The following NKAIN2 variants were observed in gnomAD, a reference collection of about 807,000 sequenced individuals.
The protein encoded by NKAIN2 is sodium/potassium transporting ATPase interacting 2.
A neutral mutation model predicts 32.6 loss-of-function variants in NKAIN2; 14 were observed. The ratio of observed to expected loss-of-function variants is 0.43; its 90% CI spans 0.28 to 0.67. NKAIN2 has a LOEUF of 0.67. Ranked by LOEUF, NKAIN2 falls within the 30% of genes least tolerant of loss-of-function variation. The probability of loss-of-function intolerance (pLI) is 0.17; values close to 1 mark genes in which losing one functional copy is unlikely to be tolerated. For missense variants in NKAIN2, 198 were observed against 258.3 expected (o/e 0.77, Z 1.60); for synonymous variants, 80 against 87.2 (o/e 0.92, Z 0.46).
chr6:124,601,118 C>A (rs564622148), intron 3 of NKAIN2, among the ~76,000 whole-genome samples: 2 of 152,150 alleles, frequency 1.3e-5, no homozygotes, highest in African/African-American at 4.8e-5. Flanking sequence ...TTAAGTTGCT[C>A]TGATCAAGCT....
chr6:124,422,834 C>T (rs538811460), intron 3 of NKAIN2, among the ~76,000 whole-genome samples: 6 of 152,282 alleles, frequency 3.9e-5, no homozygotes, highest in Non-Finnish European at 8.8e-5. Context: ...AGGTTCTGAC[C>T]TTTCCAACAG....
At chr6:124,141,511 G>A (rs942519781) in intron 1 of NKAIN2, among the ~76,000 whole-genome samples, 1 of 152,038 alleles carries the variant, frequency 6.6e-6, no homozygotes, top group East Asian at 1.9e-4. Context: ...TGCCATTGAT[G>A]GTAATCTAGT....
intron 4 of NKAIN2, among the ~76,000 whole-genome samples, chr6:124,739,063 T>G (rs1415767): frequency 0.58 from 88,342 of 151,630 alleles, 26,143 homozygotes; most frequent in East Asian, 0.72. Context: ...AATGCACTTT[T>G]GAAAATAAAG....
At chr6:124,776,227 T>G (rs1778977387) in intron 4 of NKAIN2, among the ~76,000 whole-genome samples, 1 of 152,208 alleles carries the variant, frequency 6.6e-6, no homozygotes, top group South Asian at 2.1e-4. Flanking sequence ...TTTGCATAAC[T>G]ATGGACTTTA....
At chr6:124,272,822 A>G (rs1248277582) in intron 1 of NKAIN2, among the ~76,000 whole-genome samples, 1 of 152,144 alleles carries the variant, frequency 6.6e-6, no homozygotes, top group Non-Finnish European at 1.5e-5. Context: ...CTCGCCCTGG[A>G]TGTGAGGCAT....
At chr6:124,381,435 A>G (rs1772629376) in intron 3 of NKAIN2, among the ~76,000 whole-genome samples, 1 of 152,148 alleles carries the variant, frequency 6.6e-6, no homozygotes, top group Non-Finnish European at 1.5e-5. Flanking sequence ...GTTGAGAACC[A>G]TTTATTTGGA....
chr6:124,657,873 C>A (rs1784596169), intron 3 of NKAIN2, among the ~76,000 whole-genome samples: 2 of 151,912 alleles, frequency 1.3e-5, no homozygotes, highest in Admixed American at 6.6e-5. Flanking sequence ...GGGAAAGACC[C>A]TTGAAAGGTA....
chr6:124,495,147 T>C (rs1778015893), intron 3 of NKAIN2, among the ~76,000 whole-genome samples: 1 of 152,100 alleles, frequency 6.6e-6, no homozygotes, highest in South Asian at 2.1e-4. Flanking sequence ...TAATTCTGTA[T>C]CCACATGACA....
chr6:124,770,309 G>T (rs986446295), intron 4 of NKAIN2, among the ~76,000 whole-genome samples: 2 of 151,998 alleles, frequency 1.3e-5, no homozygotes, highest in African/African-American at 2.4e-5. Context: ...CTTCCCCTTG[G>T]GAATTTTCTG....
At chr6:124,808,636 C>T (rs1175690177) in intron 5 of NKAIN2, among the ~76,000 whole-genome samples, 1 of 152,076 alleles carries the variant, frequency 6.6e-6, no homozygotes, top group East Asian at 1.9e-4. Context: ...ATGGCCAGGG[C>T]AATTAGACAG....
chr6:124,630,787 T>C (rs1378301547), intron 3 of NKAIN2, among the ~76,000 whole-genome samples: 4 of 152,116 alleles, frequency 2.6e-5, no homozygotes, highest in Non-Finnish European at 5.9e-5. Context: ...AATTATACAG[T>C]TAATAAAAAC....
At chr6:123,845,492 T>C (rs1775049941) in intron 1 of NKAIN2, among the ~76,000 whole-genome samples, 1 of 152,262 alleles carries the variant, frequency 6.6e-6, no homozygotes, top group African/African-American at 2.4e-5. Context: ...GTGAATTGTA[T>C]AATTTGGGTT....
chr6:124,098,017 A>AT (rs76320275), intron 1 of NKAIN2, among the ~76,000 whole-genome samples: 6,305 of 152,048 alleles, frequency 0.041, 198 homozygotes, highest in East Asian at 0.11. Context: ...GTGATGAATG[A>AT]TTTTTTTTGG....
At chr6:124,158,516 A>C (rs1208616181) in intron 1 of NKAIN2, among the ~76,000 whole-genome samples, 2 of 152,186 alleles carry the variant, frequency 1.3e-5, no homozygotes, top group Admixed American at 1.3e-4. Context: ...CAGTGCCAGA[A>C]TGCTATTTTA....
At chr6:124,291,530 C>G (rs1010715686) in intron 2 of NKAIN2, among the ~76,000 whole-genome samples, 1 of 152,014 alleles carries the variant, frequency 6.6e-6, no homozygotes, top group African/African-American at 2.4e-5. Context: ...CTGAAGTTCA[C>G]TTGTCTAACT....
chr6:124,184,750 A>C (rs1789625161), intron 1 of NKAIN2, among the ~76,000 whole-genome samples: 1 of 152,170 alleles, frequency 6.6e-6, no homozygotes, highest in African/African-American at 2.4e-5. Context: ...AGATCAACAA[A>C]ATATCTTTAT....
chr6:124,242,737 T>G (rs188457173), intron 1 of NKAIN2, among the ~76,000 whole-genome samples: 245 of 152,234 alleles, frequency 1.6e-3, no homozygotes, highest in Non-Finnish European at 2.4e-3. Context: ...TTCGTGTCCT[T>G]TGCAGGGACA....
chr6:124,390,485 CTT>C (rs1773095109), intron 3 of NKAIN2, among the ~76,000 whole-genome samples: 3 of 152,074 alleles, frequency 2.0e-5, no homozygotes, highest in Admixed American at 1.3e-4. Flanking sequence ...TGGCATGTGT[CTT>C]TTCCAAAGGA....
At chr6:124,028,742 T>C (rs1452061196) in intron 1 of NKAIN2, among the ~76,000 whole-genome samples, 2 of 148,224 alleles carry the variant, frequency 1.3e-5, no homozygotes, top group East Asian at 2.0e-4. Context: ...TACACGTATA[T>C]ATGTGTATAT....
Sources: gnomAD v4.1 joint callset for allele counts (sites outside exome capture counted in the v4.1 genomes callset) on GRCh38, gnomAD v4.1.1 for gene constraint, MANE v1.5 for transcripts, NCBI Gene and HGNC (gene_info 2026-07-23, HGNC 2026-07-21) for gene names.